The following AGPAT5 variants were observed in gnomAD, a reference collection of about 807,000 sequenced individuals.
AGPAT5 encodes 1-acyl-sn-glycerol-3-phosphate acyltransferase epsilon.
In AGPAT5, 46 loss-of-function variants were observed where a neutral mutation model predicts 45.6. The ratio of observed to expected loss-of-function variants is 1.01; its 90% CI spans 0.80 to 1.29. AGPAT5 has a LOEUF of 1.29. Among genes scored for constraint, AGPAT5 ranks in the 50% most tolerant of loss-of-function variants. The pLI is 0.00. For missense variants in AGPAT5, 673 were observed against 450.7 expected (o/e 1.49, Z -4.47); for synonymous variants, 272 against 167.0 (o/e 1.63, Z -4.85).
In AGPAT5 at chr8:6,708,903, C is replaced by T. The variant is rs376998278; in HGVS notation, c.219+16C>T. On this transcript the variant is annotated intron_variant, in intron 1 of 7. Coordinates refer to ENST00000285518, the MANE Select transcript of AGPAT5 (RefSeq NM_018361.5). ...CGGGGTCCAGGTGAGCCGCCTCCCG[C>T]TCCCGGGTCTCGGCGTCCACCCGAG... 1.3e-6 allele frequency: 2 copies of T among 1,590,908 alleles called. No homozygotes were observed. The highest frequency in any genetic ancestry group is 1.1e-5 in the South Asian group (1 of 89,320).
At chr8:6,749,544 T>A (rs1423821711) in intron 6 of AGPAT5, among the ~76,000 whole-genome samples, 1 of 152,206 alleles carries the variant, frequency 6.6e-6, no homozygotes, top group Non-Finnish European at 1.5e-5. Context: ...TTCTCCTTCC[T>A]AGCGATAACC....
At chr8:6,718,084 C>T (rs1023750680) in intron 1 of AGPAT5, among the ~76,000 whole-genome samples, 2 of 152,134 alleles carry the variant, frequency 1.3e-5, no homozygotes, top group African/African-American at 2.4e-5. Context: ...TGAGATAATA[C>T]GTGAAACTGC....
At chr8:6,747,508 T>C (rs1801513202) in intron 5 of AGPAT5, among the ~76,000 whole-genome samples, 162 bp from the exon 6 acceptor site, 1 of 152,238 alleles carries the variant, frequency 6.6e-6, no homozygotes, top group South Asian at 2.1e-4. Flanking sequence ...AAAAGGCAAG[T>C]GAGAGTGCTT....
intron 1 of AGPAT5, among the ~76,000 whole-genome samples, chr8:6,721,556 A>G (rs554246847): frequency 6.6e-6 from 1 of 152,346 alleles, no homozygotes; most frequent in Admixed American, 6.5e-5. Flanking sequence ...TACTATTATT[A>G]CACTCATTTT....
intron 1 of AGPAT5, 183 bp downstream of exon 1, chr8:6,709,070 C>G (rs375998126): frequency 2.8e-6 from 2 of 710,250 alleles, no homozygotes; most frequent in Admixed American, 2.2e-5. Context: ...AGATCGCTCT[C>G]TAGGAAGCTG....
chr8:6,746,131 A>T (rs1273435887), intron 5 of AGPAT5: 1 of 151,598 alleles, frequency 6.6e-6, no homozygotes, highest in African/African-American at 2.4e-5. Context: ...TCCAGGCTAA[A>T]GCAGTCCTCC....
At chr8:6,723,209 G>A (rs189060977) in intron 1 of AGPAT5, among the ~76,000 whole-genome samples, 13 of 152,298 alleles carry the variant, frequency 8.5e-5, no homozygotes, top group African/African-American at 1.7e-4. Context: ...CCAGCTTGGT[G>A]CTAGGCTCTT....
rs1327382031 is a variant in AGPAT5 at position 6,747,728 on chromosome 8, T to C, written c.645T>C (p.Phe215=). The part of the protein sequence containing the change: ...TPRIKATHVA[F]DCMKNYLDAI... ...GAATAAAGGCAACTCACGTTGCTTT[T>C]GATTGCATGAAGAATTATTTAGATG... Residue 215 remains phenylalanine (F), a synonymous_variant, in exon 6 of 8, where the codon TTT becomes TTC. Transcript: ENST00000285518. The C allele has an allele frequency of 6.2e-7, 1 of 1,614,252 alleles. No individual in the cohort carries two copies. Among genetic ancestry groups the C allele is most frequent in the Non-Finnish European group, 8.5e-7 (1 of 1,180,044 alleles).
intron 4 of AGPAT5, among the ~76,000 whole-genome samples, chr8:6,738,834 A>G (rs1271311499): frequency 6.6e-6 from 1 of 151,324 alleles, no homozygotes; most frequent in East Asian, 1.9e-4. Flanking sequence ...AGCTTAATTT[A>G]TTGATTTTTT....
rs570528930 is a variant in AGPAT5 at position 6,724,909 on chromosome 8, A to G, written c.259A>G (p.Ile87Val). The G allele has an allele frequency of 1.2e-5, 14 of 1,171,074 alleles. No homozygotes were observed. The highest frequency in any genetic ancestry group is 8.0e-5 in the African/African-American group (5 of 62,854). The allele number at this position is 1,171,074 out of a possible 1,614,324, so 72.5% of individuals were successfully genotyped here. The change falls in exon 2 of 8, where the codon ATA becomes GTA. Residue 87 changes from isoleucine to valine, a missense_variant. Transcript: ENST00000285518. ...AGATTTGCCAAAAAATAAAGAAAAT[A>G]TAATATATTTAGCAAATCATCAAAG... ...YGDLPKNKEN[I>V]IYLANHQSTV...
At chr8:6,735,943 C>T (rs972462599) in intron 4 of AGPAT5, among the ~76,000 whole-genome samples, 1 of 148,124 alleles carries the variant, frequency 6.8e-6, no homozygotes, top group Non-Finnish European at 1.5e-5. Flanking sequence ...CAACCTCTGC[C>T]TCACGGGTTC....
At chr8:6,718,901 A>T (rs1255055434) in intron 1 of AGPAT5, among the ~76,000 whole-genome samples, 2 of 152,208 alleles carry the variant, frequency 1.3e-5, no homozygotes, top group African/African-American at 2.4e-5. Flanking sequence ...TTACCTAAAC[A>T]CAGCAAGTAC....
At chr8:6,727,268 C>A (rs1434029257) in intron 2 of AGPAT5, among the ~76,000 whole-genome samples, 2 of 152,160 alleles carry the variant, frequency 1.3e-5, no homozygotes, top group African/African-American at 4.8e-5. Flanking sequence ...CTTGACACAT[C>A]CTTGTCTCTA....
chr8:6,737,955 G>A (rs947795438), intron 4 of AGPAT5, among the ~76,000 whole-genome samples: 6 of 152,170 alleles, frequency 3.9e-5, no homozygotes, highest in African/African-American at 1.4e-4. Context: ...GGGAGTTAGG[G>A]CCTTGCTCTG....
At chr8:6,727,331 A>T (rs779727138) in intron 2 of AGPAT5, among the ~76,000 whole-genome samples, 22 of 151,346 alleles carry the variant, frequency 1.5e-4, no homozygotes, top group Non-Finnish European at 2.8e-4. Flanking sequence ...AGCAGGATAT[A>T]GTGGCTGTTA....
At chr8:6,745,603 T>C (rs1407115305) in intron 5 of AGPAT5, among the ~76,000 whole-genome samples, 1 of 152,234 alleles carries the variant, frequency 6.6e-6, no homozygotes, top group Non-Finnish European at 1.5e-5. Context: ...TTGTTGAAGA[T>C]AAATATCACC....
intron 4 of AGPAT5, among the ~76,000 whole-genome samples, chr8:6,734,665 G>A (rs1274536487): frequency 2.6e-5 from 4 of 152,026 alleles, no homozygotes; most frequent in African/African-American, 9.7e-5. Context: ...TACTTCCTAA[G>A]ATTTTGCCTA....
intron 5 of AGPAT5, among the ~76,000 whole-genome samples, chr8:6,742,546 A>G (rs940433090): frequency 1.7e-4 from 26 of 152,228 alleles, no homozygotes; most frequent in Non-Finnish European, 4.4e-5. Context: ...GGCCTATGAC[A>G]GTGCTGTCTA....
intron 4 of AGPAT5, among the ~76,000 whole-genome samples, chr8:6,739,471 T>C (rs901383391): frequency 4.6e-5 from 7 of 152,146 alleles, no homozygotes; most frequent in Non-Finnish European, 8.8e-5. Context: ...GTGTGTTTTG[T>C]AGTTTAATGT....
Sources: gnomAD v4.1 joint callset for allele counts (sites outside exome capture counted in the v4.1 genomes callset) on GRCh38, gnomAD v4.1.1 for gene constraint, MANE v1.5 for transcripts, NCBI Gene and HGNC (gene_info 2026-07-23, HGNC 2026-07-21) for gene names.